The following MPZL1 variants were observed in gnomAD, a reference collection of about 807,000 sequenced individuals.
MPZL1 encodes myelin protein zero-like protein 1.
A neutral mutation model predicts 29.3 loss-of-function variants in MPZL1; 16 were observed. That is an observed-to-expected ratio of 0.55 (90% CI 0.37 to 0.83). The LOEUF (loss-of-function observed/expected upper bound fraction) is 0.83, where lower values mean the gene tolerates loss of function less well. MPZL1 is among the 40% of genes least tolerant of loss of function. The pLI, the probability that MPZL1 is intolerant of heterozygous loss-of-function variation, is 0.00. For synonymous variants in MPZL1, 143 were observed against 132.0 expected, an observed-to-expected ratio of 1.08 and a Z score of -0.57; for missense variants, 279 against 332.9, an observed-to-expected ratio of 0.84 and a Z score of 1.26.
intron 1 of MPZL1, among the ~76,000 whole-genome samples, chr1:167,739,274 C>CATATATATATAT (rs201991698): frequency 6.2e-4 from 52 of 83,210 alleles, no homozygotes; most frequent in Middle Eastern, 6.0e-3. Context: ...TACATATATA[C>CATATATATATAT]ATATATACAT....
intron 1 of MPZL1, among the ~76,000 whole-genome samples, chr1:167,735,327 T>C (rs1376853383): frequency 6.6e-6 from 1 of 152,184 alleles, no homozygotes; most frequent in Admixed American, 6.5e-5. Flanking sequence ...ATACCCATAC[T>C]TTTACTACTG....
intron 1 of MPZL1, among the ~76,000 whole-genome samples, chr1:167,754,164 A>T (rs1660819406): frequency 1.3e-5 from 2 of 151,214 alleles, no homozygotes; most frequent in Non-Finnish European, 2.9e-5. Context: ...GGCTCAGCTA[A>T]TTTTTTTTAT....
At chr1:167,762,835 A>T (rs1410418565) in intron 1 of MPZL1, among the ~76,000 whole-genome samples, 2 of 152,236 alleles carry the variant, frequency 1.3e-5, no homozygotes, top group Admixed American at 1.3e-4. Context: ...TCCAAAAATG[A>T]TGACAAGAGT....
At chr1:167,753,950 G>A (rs1660812907) in intron 1 of MPZL1, among the ~76,000 whole-genome samples, 1 of 150,288 alleles carries the variant, frequency 6.7e-6, no homozygotes, top group South Asian at 2.1e-4. Flanking sequence ...TTAAAACCAA[G>A]CAGAACAGTG....
intron 2 of MPZL1, among the ~76,000 whole-genome samples, chr1:167,770,988 A>G (rs866997044): frequency 6.7e-6 from 1 of 150,288 alleles, no homozygotes; most frequent in Non-Finnish European, 1.5e-5. Flanking sequence ...GATTTGTAAT[A>G]TGATGTTGCA....
At chr1:167,735,932 G>T (rs560091877) in intron 1 of MPZL1, among the ~76,000 whole-genome samples, 1 of 152,236 alleles carries the variant, frequency 6.6e-6, no homozygotes, top group East Asian at 1.9e-4. Flanking sequence ...TCTATTCTTT[G>T]TTGTCTCTAT....
chr1:167,769,133 C>T (rs1303522677), intron 2 of MPZL1, among the ~76,000 whole-genome samples: 2 of 152,180 alleles, frequency 1.3e-5, no homozygotes, highest in Non-Finnish European at 2.9e-5. Flanking sequence ...TATGAAATAT[C>T]AGGTAGGCGA....
chr1:167,754,676 T>C (rs954217065), intron 1 of MPZL1, among the ~76,000 whole-genome samples: 1 of 152,178 alleles, frequency 6.6e-6, no homozygotes, highest in African/African-American at 2.4e-5. Context: ...GCTCGTCTGC[T>C]TCAGGCATGG....
intron 2 of MPZL1, among the ~76,000 whole-genome samples, chr1:167,768,178 A>G (rs1661158099): frequency 6.6e-6 from 1 of 152,202 alleles, no homozygotes; most frequent in South Asian, 2.1e-4. Flanking sequence ...GCAGGTTATC[A>G]GGAACCTAGA....
intron 1 of MPZL1, among the ~76,000 whole-genome samples, chr1:167,758,825 T>C (rs1346255309): frequency 6.6e-6 from 1 of 152,232 alleles, no homozygotes; most frequent in African/African-American, 2.4e-5. Flanking sequence ...TTTGTTTATA[T>C]TCTTGCCCTT....
intron 2 of MPZL1, among the ~76,000 whole-genome samples, chr1:167,772,023 C>T (rs1558123013): frequency 1.3e-5 from 2 of 151,874 alleles, no homozygotes; most frequent in Admixed American, 6.6e-5. Context: ...GTCGGCAGCC[C>T]GAGGCAGGAG....
chr1:167,771,941 C>T (rs1014624614), intron 2 of MPZL1, among the ~76,000 whole-genome samples: 3 of 152,132 alleles, frequency 2.0e-5, no homozygotes, highest in African/African-American at 4.8e-5. Context: ...CCGGTCAACA[C>T]GGCAAAACCC....
chr1:167,751,844 T>A lies in MPZL1; in HGVS notation c.92-13739T>A, dbSNP rs534438448. ...GAGTCACTCATGGAAATTTTTCTAT[T>A]TTTCCAGTATTGGAGGCAGAATGAA... On this transcript the variant is annotated intron_variant, in intron 1 of 5. Coordinates refer to ENST00000359523, the MANE Select transcript of MPZL1 (RefSeq NM_003953.6). 2.5e-3 allele frequency among the ~76,000 whole-genome samples: 376 copies of A among 152,330 alleles called. 1 individual carries two copies. The highest frequency in any genetic ancestry group is 4.2e-3 in the Non-Finnish European group (284 of 68,026).
chr1:167,752,974 C>T (rs770435064), intron 1 of MPZL1, among the ~76,000 whole-genome samples: 5 of 152,172 alleles, frequency 3.3e-5, no homozygotes, highest in Admixed American at 6.5e-5. Context: ...GGTGTAGTTC[C>T]ATGGCTCAAG....
At position 167,790,014 on chromosome 1, in the gene MPZL1, G is replaced by C. The variant is rs866242443; in HGVS notation, c.*2093G>C. ...CCATGAAAACCACATAGCTGACCAG[G>C]GCTGTGCTTGAGGTACAGAGGACAC... On this transcript the variant is annotated 3_prime_UTR_variant, in exon 6 of 6. Coordinates refer to ENST00000359523, the MANE Select transcript of MPZL1 (RefSeq NM_003953.6). The C allele has an allele frequency of 1.2e-4, 18 of 152,182 alleles. No individual in the cohort carries two copies. Among genetic ancestry groups the C allele is most frequent in the African/African-American group, 4.3e-4 (18 of 41,422 alleles). The allele number at this position is 152,182 out of a possible 1,614,324, so 9.4% of individuals were successfully genotyped here. A position where few individuals can be genotyped will look rare whatever the true frequency, so the allele number is the denominator to read the frequency against.
chr1:167,759,873 T>C (rs1447803447), intron 1 of MPZL1, among the ~76,000 whole-genome samples: 1 of 151,554 alleles, frequency 6.6e-6, no homozygotes, highest in Non-Finnish European at 1.5e-5. Flanking sequence ...TTTGAGGGGG[T>C]CAGGGTAGGC....
At chr1:167,750,327 A>C (rs560917673) in intron 1 of MPZL1, among the ~76,000 whole-genome samples, 1 of 152,126 alleles carries the variant, frequency 6.6e-6, no homozygotes, top group East Asian at 1.9e-4. Flanking sequence ...CAGCCTCCCA[A>C]GTAGCTGGGA....
At chr1:167,726,518 G>A (rs1660148674) in intron 1 of MPZL1, among the ~76,000 whole-genome samples, 1 of 152,186 alleles carries the variant, frequency 6.6e-6, no homozygotes, top group Non-Finnish European at 1.5e-5. Flanking sequence ...ACAACAGTTT[G>A]TTAGGAGTTT....
chr1:167,744,781 C>G (rs1490348537), intron 1 of MPZL1, among the ~76,000 whole-genome samples: 5 of 151,560 alleles, frequency 3.3e-5, no homozygotes, highest in Non-Finnish European at 7.4e-5. Flanking sequence ...ACTCCAACAA[C>G]TAGTAAATAT....
Sources: allele counts gnomAD v4.1 joint callset (sites outside exome capture counted in the v4.1 genomes callset), GRCh38; gene constraint gnomAD v4.1.1; transcripts MANE v1.5; gene names NCBI Gene and HGNC (gene_info 2026-07-23, HGNC 2026-07-21).